AAK1: variants seen among roughly 807,000 people sequenced by gnomAD.
The protein encoded by AAK1 is AP2-associated protein kinase 1.
A neutral mutation model predicts 116.0 loss-of-function variants in AAK1; 37 were observed. The ratio of observed to expected loss-of-function variants is 0.32; its 90% CI spans 0.25 to 0.42. AAK1 has a LOEUF of 0.42. Among genes scored for constraint, AAK1 ranks in the 10% least tolerant of loss-of-function variants. AAK1 has a pLI of 1.00. For synonymous variants in AAK1, 458 were observed against 439.9 expected, an observed-to-expected ratio of 1.04 and a Z score of -0.51; for missense variants, 919 against 1,170.6, an observed-to-expected ratio of 0.79 and a Z score of 3.14.
chr2:69,521,610 G>C (rs1669781349), intron 10 of AAK1, among the ~76,000 whole-genome samples: 1 of 152,220 alleles, frequency 6.6e-6, no homozygotes, highest in African/African-American at 2.4e-5. Context: ...AGTAACAGAA[G>C]TTTTAGCTGG....
chr2:69,508,258 A>G (rs1041244374), intron 14 of AAK1, among the ~76,000 whole-genome samples: 2 of 152,248 alleles, frequency 1.3e-5, no homozygotes, highest in African/African-American at 4.8e-5. Flanking sequence ...CTGGAAGGGC[A>G]GGAAAGAGGT....
chr2:69,531,412 T>G (rs998501882), intron 6 of AAK1, among the ~76,000 whole-genome samples: 2 of 152,152 alleles, frequency 1.3e-5, no homozygotes, highest in African/African-American at 2.4e-5. Flanking sequence ...AAGATCAGGA[T>G]GTAGGTGTGC....
chr2:69,485,229 A>C (rs1214520512), intron 17 of AAK1, among the ~76,000 whole-genome samples: 1 of 152,204 alleles, frequency 6.6e-6, no homozygotes, highest in African/African-American at 2.4e-5. Context: ...CAATGGATAA[A>C]AAGTAAAGAC....
At chr2:69,530,758 A>C in intron 6 of AAK1, 52 bp from the exon 7 acceptor site, 1 of 1,380,714 alleles carries the variant, frequency 7.2e-7, no homozygotes, top group Non-Finnish European at 1.0e-6. Flanking sequence ...TATAATTAAA[A>C]ACCAGGAGCA....
intron 5 of AAK1, among the ~76,000 whole-genome samples, chr2:69,536,514 C>T (rs1670481547): frequency 6.6e-6 from 1 of 152,144 alleles, no homozygotes; most frequent in South Asian, 2.1e-4. Context: ...CGTACACCAC[C>T]TTCTGAAAGC....
At chr2:69,551,944 G>A (rs1002771161) in intron 3 of AAK1, among the ~76,000 whole-genome samples, 1 of 152,168 alleles carries the variant, frequency 6.6e-6, no homozygotes, top group African/African-American at 2.4e-5. Flanking sequence ...TTCTGCCACT[G>A]GAAGTAGAGA....
intron 2 of AAK1, among the ~76,000 whole-genome samples, chr2:69,587,360 TATGCGTGTACACACACATATATACACAC>T (rs1558982636): frequency 7.8e-6 from 1 of 128,078 alleles, no homozygotes. Context: ...TATATACACA[TATGCGTGTACACACACATATATACACAC>T]ACGTGTGTAC....
chr2:69,614,955 C>T (rs142924951), intron 2 of AAK1, among the ~76,000 whole-genome samples: 131 of 152,260 alleles, frequency 8.6e-4, no homozygotes, highest in African/African-American at 3.1e-3. Context: ...GCCCTGTCAA[C>T]ACATTGATTT....
chr2:69,475,572 C>T lies in AAK1; in HGVS notation c.*297G>A, dbSNP rs1674824396. The T allele has an allele frequency of 7.1e-6, 8 of 1,121,316 alleles. No individual in the cohort carries two copies. In the South Asian group the frequency reaches 2.9e-4, roughly 40 times the overall value. The allele number at this position is 1,121,316 out of a possible 1,614,324, so 69.5% of individuals were successfully genotyped here. A position where few individuals can be genotyped will look rare whatever the true frequency, so the allele number is the denominator to read the frequency against. ...AGTTAAGCTTTTGGTGGAGTTGATT[C>T]CAGCAGAGGTGAAGCTCATGGCATC... On this transcript the variant is annotated 3_prime_UTR_variant, in exon 22 of 22. Transcript: ENST00000409085.
At chr2:69,501,761 C>T (rs746193497) in intron 16 of AAK1, among the ~76,000 whole-genome samples, 12 of 152,036 alleles carry the variant, frequency 7.9e-5, no homozygotes, top group African/African-American at 1.7e-4. Flanking sequence ...CCTGAGGTCA[C>T]GAATTTGAGA....
intron 10 of AAK1, among the ~76,000 whole-genome samples, chr2:69,523,558 C>T (rs1041663987): frequency 6.6e-6 from 1 of 152,194 alleles, no homozygotes; most frequent in Non-Finnish European, 1.5e-5. Context: ...AGCACTTACT[C>T]GTGATGGTGG....
intron 12 of AAK1, among the ~76,000 whole-genome samples, chr2:69,516,398 CATA>C (rs1413209834): frequency 1.3e-5 from 2 of 151,010 alleles, no homozygotes; most frequent in East Asian, 3.9e-4. Flanking sequence ...AATCCGAATT[CATA>C]ATGCCTATTC....
chr2:69,511,743 G>A (rs1050771060), intron 13 of AAK1, among the ~76,000 whole-genome samples: 1 of 152,158 alleles, frequency 6.6e-6, no homozygotes, highest in African/African-American at 2.4e-5. Context: ...GTTTTGTCTC[G>A]AGGTTGATGG....
rs1674698646 is a variant in AAK1, at chr2:69,472,019, A to G, written c.*3850T>C. 1.0e-6 allele frequency: 1 copy of G among 985,436 alleles called. No individual in the cohort carries two copies. The highest frequency in any genetic ancestry group is 1.2e-6 in the Non-Finnish European group (1 of 829,896). 61.0% of individuals were successfully genotyped at this position (985,436 alleles called of 1,614,324 possible). On this transcript the variant is annotated 3_prime_UTR_variant, in exon 22 of 22. Transcript: ENST00000409085. ...CAGGAAGAGCGAAGTCCAATATCAA[A>G]TAACACTGAACAAAGTGACAACTTC...
At chr2:69,521,016 A>G (rs1052571042) in intron 10 of AAK1, 28 bp from the exon 11 acceptor site, 2 of 1,613,130 alleles carry the variant, frequency 1.2e-6, no homozygotes, top group Non-Finnish European at 1.7e-6. Flanking sequence ...AAAGGTTCAT[A>G]TTAAAGTATG....
At position 69,461,039 on chromosome 2, in the gene AAK1, TAC is replaced by T. The variant is rs1234247552; in HGVS notation, c.*14828_*14829del. On this transcript the variant is annotated 3_prime_UTR_variant, in exon 22 of 22. Transcript: ENST00000409085. The stretch of plus-strand genomic sequence containing the variant: ...AAAGTAGAGTTGTTTGTTGATTATA[TAC>T]AGTCATGTGCTGCATAAAAACGATT... The T allele has an allele frequency of 6.6e-6, 1 of 152,244 alleles. No individual in the cohort carries two copies. The highest frequency in any genetic ancestry group is 1.5e-5 in the Non-Finnish European group (1 of 68,042). The allele number at this position is 152,244 out of a possible 1,614,324, so 9.4% of individuals were successfully genotyped here. A position where few individuals can be genotyped will look rare whatever the true frequency, so the allele number is the denominator to read the frequency against.
chr2:69,526,551 ATCCTCC>A (rs1284897803), intron 9 of AAK1, among the ~76,000 whole-genome samples: 1 of 152,172 alleles, frequency 6.6e-6, no homozygotes, highest in Non-Finnish European at 1.5e-5. Context: ...CAGGTGATCC[ATCCTCC>A]TCGGCCTCCC....
chr2:69,640,053 ACTCTCTCTCT>A (rs1177010194), intron 2 of AAK1, among the ~76,000 whole-genome samples: 2 of 92,742 alleles, frequency 2.2e-5, no homozygotes, highest in Non-Finnish European at 4.2e-5. Flanking sequence ...ACACACACAC[ACTCTCTCTCT>A]CTCTCTCTCT....
At position 69,470,168 on chromosome 2, in the gene AAK1, C is replaced by G. The variant is rs1218644554; in HGVS notation, c.*5701G>C. The G allele has an allele frequency of 1.0e-6, 1 of 985,258 alleles. No homozygotes were observed. Among genetic ancestry groups the G allele is most frequent in the African/African-American group, 1.7e-5 (1 of 57,214 alleles). The allele number at this position is 985,258 out of a possible 1,614,324, so 61.0% of individuals were successfully genotyped here. The stretch of plus-strand genomic sequence containing the variant: ...ACAACACCAGAAGTTTACTTTTCCT[C>G]ATACCAAAAACTGAAAGAACGGTTA... On this transcript the variant is annotated 3_prime_UTR_variant, in exon 22 of 22. Coordinates refer to ENST00000409085, the MANE Select transcript of AAK1 (RefSeq NM_014911.5).
Sources: gnomAD v4.1 joint callset for allele counts (sites outside exome capture counted in the v4.1 genomes callset) on GRCh38, gnomAD v4.1.1 for gene constraint, MANE v1.5 for transcripts, NCBI Gene and HGNC (gene_info 2026-07-23, HGNC 2026-07-21) for gene names.